The following PLEKHA5 variants were observed in gnomAD, a reference collection of about 807,000 sequenced individuals.
PLEKHA5 encodes pleckstrin homology domain-containing family A member 5.
Under a neutral mutation model 181.9 loss-of-function variants are expected in PLEKHA5, and 55 were observed. The observed-to-expected ratio is 0.30, with a 90% CI of 0.24 to 0.38. The LOEUF (loss-of-function observed/expected upper bound fraction) is 0.38, where lower values mean the gene tolerates loss of function less well. Ranked by LOEUF, PLEKHA5 falls within the 10% of genes least tolerant of loss-of-function variation. The probability of loss-of-function intolerance (pLI) is 1.00; values close to 1 mark genes in which losing one functional copy is unlikely to be tolerated. For missense variants in PLEKHA5, 1,432 were observed against 1,549.5 expected, an observed-to-expected ratio of 0.92 and a Z score of 1.27; for synonymous variants, 535 against 529.4, an observed-to-expected ratio of 1.01 and a Z score of -0.15.
intron 3 of PLEKHA5, among the ~76,000 whole-genome samples, chr12:19,179,855 G>T (rs1002818637): frequency 2.6e-5 from 4 of 151,882 alleles, no homozygotes; most frequent in Non-Finnish European, 1.5e-5. Context: ...TAGAGACACT[G>T]AAAAAAAATT....
chr12:19,221,472 G>T (rs183560446), intron 3 of PLEKHA5, among the ~76,000 whole-genome samples: 2 of 152,278 alleles, frequency 1.3e-5, no homozygotes, highest in Admixed American at 1.3e-4. Context: ...AGGGGTTTAG[G>T]GGGTGAGAGG....
intron 3 of PLEKHA5, among the ~76,000 whole-genome samples, chr12:19,246,752 G>A (rs2063854388): frequency 6.6e-6 from 1 of 151,906 alleles, no homozygotes; most frequent in African/African-American, 2.4e-5. Context: ...TGCATTCAAT[G>A]AAGTTTCGCA....
intron 3 of PLEKHA5, among the ~76,000 whole-genome samples, chr12:19,211,216 G>A (rs1399171723): frequency 6.6e-6 from 1 of 152,094 alleles, no homozygotes; most frequent in Non-Finnish European, 1.5e-5. Flanking sequence ...CCCCCACCAA[G>A]TTGAATAATA....
chr12:19,218,538 A>G (rs759111352), intron 3 of PLEKHA5, among the ~76,000 whole-genome samples: 33 of 152,214 alleles, frequency 2.2e-4, no homozygotes, highest in Admixed American at 5.9e-4. Flanking sequence ...AGAATAAGAG[A>G]TAAGAACATA....
At chr12:19,275,035 G>A (rs780186406) in intron 11 of PLEKHA5, 52 bp downstream of exon 11, 4 of 1,215,192 alleles carry the variant, frequency 3.3e-6, no homozygotes, top group Non-Finnish European at 4.7e-6. Context: ...TGCTGTGTTG[G>A]TGGAGATTGG....
At chr12:19,296,789 A>G (rs1252154714) in intron 15 of PLEKHA5, among the ~76,000 whole-genome samples, 3 of 152,192 alleles carry the variant, frequency 2.0e-5, no homozygotes, top group Non-Finnish European at 4.4e-5. Context: ...GAAGCAGTCA[A>G]AAACTCTCCA....
intron 12 of PLEKHA5, 113 bp downstream of exon 12, chr12:19,283,858 G>A (rs2076670504): frequency 6.2e-6 from 4 of 643,648 alleles, no homozygotes; most frequent in Admixed American, 2.9e-5. Flanking sequence ...AGTAAGCAAG[G>A]CAGCTCTTTT....
At position 19,348,421 on chromosome 12, in the gene PLEKHA5, A is replaced by G; in HGVS notation, c.2921A>G (p.Lys974Arg). 6.3e-7 allele frequency: 1 copy of G among 1,584,338 alleles called. No individual in the cohort carries two copies. The highest frequency in any genetic ancestry group is 1.4e-5 in the African/African-American group (1 of 73,228). ...AAGGGTCCAGATTATAGACTCTACA[A>G]GAGTGAACCAGAGTTAACAACAGTG... is the stretch of plus-strand genomic sequence containing the variant. ...SHCGPDYRLYKSEPELTTVAE... is the reference protein window; with the variant it reads ...SHCGPDYRLYRSEPELTTVAE... Residue 974 changes from lysine to arginine, a missense_variant, in exon 25 of 32, where the codon AAG becomes AGG. Transcript: ENST00000429027.
At chr12:19,268,498 T>A (rs1205180686) in intron 8 of PLEKHA5, among the ~76,000 whole-genome samples, 1 of 152,248 alleles carries the variant, frequency 6.6e-6, no homozygotes, top group Admixed American at 6.5e-5. Context: ...CTTTCTCTCT[T>A]CTGTGATGTT....
At chr12:19,235,747 A>G (rs1222508859) in intron 3 of PLEKHA5, among the ~76,000 whole-genome samples, 1 of 152,162 alleles carries the variant, frequency 6.6e-6, no homozygotes, top group Non-Finnish European at 1.5e-5. Context: ...GAATAGGCAT[A>G]TGAAGAAAGG....
chr12:19,356,568 T>C (rs572656640), intron 26 of PLEKHA5, among the ~76,000 whole-genome samples: 146 of 151,982 alleles, frequency 9.6e-4, no homozygotes, highest in African/African-American at 3.3e-3. Flanking sequence ...GGAAAATATA[T>C]TTTACCACTT....
rs564171312 is a variant in PLEKHA5, at chr12:19,163,703, G to C, written c.227+31253G>C. On this transcript the variant is annotated intron_variant, in intron 3 of 31. Transcript: ENST00000429027. ...CTATCTATCTATCTATCTCTTTCCT[G>C]TTCTCTTGGGAAAAATAAAATAACT... Among the ~76,000 whole-genome samples the C allele has an allele frequency of 6.8e-5, 10 of 146,722 alleles. 1 individual carries two copies. The highest frequency in any genetic ancestry group is 2.2e-4 in the African/African-American group (9 of 40,246).
At chr12:19,251,277 A>G (rs1211311331) in intron 3 of PLEKHA5, among the ~76,000 whole-genome samples, 2 of 151,896 alleles carry the variant, frequency 1.3e-5, no homozygotes, top group East Asian at 3.9e-4. Flanking sequence ...ATGGTGACAC[A>G]CGCTCGTAAT....
chr12:19,349,046 G>C (rs1279170372), intron 25 of PLEKHA5, among the ~76,000 whole-genome samples: 4 of 151,712 alleles, frequency 2.6e-5, no homozygotes, highest in African/African-American at 9.7e-5. Flanking sequence ...CCCATTTCCT[G>C]GGAGAGTTTT....
At chr12:19,157,093 T>TATATACAC (rs1555227623) in intron 3 of PLEKHA5, among the ~76,000 whole-genome samples, 1 of 19,564 alleles carries the variant, frequency 5.1e-5, no homozygotes, top group African/African-American at 1.4e-4. Flanking sequence ...TATCTATATG[T>TATATACAC]ACATACACAC....
At chr12:19,191,780 C>T (rs1223790678) in intron 3 of PLEKHA5, among the ~76,000 whole-genome samples, 1 of 152,108 alleles carries the variant, frequency 6.6e-6, no homozygotes, top group Non-Finnish European at 1.5e-5. Flanking sequence ...AAAGCTCATG[C>T]TGGAGGATCA....
chr12:19,305,061 A>C (rs2082804571), intron 15 of PLEKHA5, among the ~76,000 whole-genome samples: 1 of 152,188 alleles, frequency 6.6e-6, no homozygotes, highest in South Asian at 2.1e-4. Context: ...TTTGTACAGC[A>C]CCTTGAAACA....
At chr12:19,252,199 T>C (rs987568686) in intron 3 of PLEKHA5, among the ~76,000 whole-genome samples, 2 of 152,182 alleles carry the variant, frequency 1.3e-5, no homozygotes, top group Non-Finnish European at 2.9e-5. Flanking sequence ...CAAAAAAATA[T>C]GAAAATTAGG....
intron 3 of PLEKHA5, among the ~76,000 whole-genome samples, chr12:19,139,110 G>GA (rs2036553310): frequency 7.7e-6 from 1 of 129,904 alleles, no homozygotes; most frequent in Non-Finnish European, 1.7e-5. Flanking sequence ...GAAAGGAAAG[G>GA]CCATTGATCA....
Sources: allele counts gnomAD v4.1 joint callset (sites outside exome capture counted in the v4.1 genomes callset), GRCh38; gene constraint gnomAD v4.1.1; transcripts MANE v1.5; gene names NCBI Gene and HGNC (gene_info 2026-07-23, HGNC 2026-07-21).